Variants in VAT1L observed in about 807,000 individuals in gnomAD.
VAT1L encodes vesicle amine transport 1 like, also known as putative NADPH-dependent quinone oxidoreductase VAT1L.
A neutral mutation model predicts 44.1 loss-of-function variants in VAT1L; 34 were observed. That is an observed-to-expected ratio of 0.77 (90% CI 0.59 to 1.03). The LOEUF is 1.03. VAT1L is among the 50% of genes least tolerant of loss of function. The pLI, the probability that VAT1L is intolerant of heterozygous loss-of-function variation, is 0.00. For missense variants in VAT1L, 615 were observed against 538.8 expected, an observed-to-expected ratio of 1.14 and a Z score of -1.40; for synonymous variants, 253 against 202.2, an observed-to-expected ratio of 1.25 and a Z score of -2.13.
At chr16:77,922,520 G>A (rs1381829189) in intron 7 of VAT1L, among the ~76,000 whole-genome samples, 1 of 152,130 alleles carries the variant, frequency 6.6e-6, no homozygotes, top group Non-Finnish European at 1.5e-5. Context: ...AAGACAGGCA[G>A]CTGTCAGCGG....
intron 3 of VAT1L, among the ~76,000 whole-genome samples, chr16:77,844,799 C>G (rs1446635838): frequency 6.6e-6 from 1 of 151,894 alleles, no homozygotes; most frequent in Non-Finnish European, 1.5e-5. Context: ...CTGGGGATGG[C>G]TATATATACA....
chr16:77,846,194 A>C (rs563805472), intron 3 of VAT1L, among the ~76,000 whole-genome samples: 1 of 152,320 alleles, frequency 6.6e-6, no homozygotes, highest in South Asian at 2.1e-4. Context: ...AAGTGAGTAC[A>C]TTGTCATCAA....
At chr16:77,937,932 G>C (rs1276279370) in intron 7 of VAT1L, among the ~76,000 whole-genome samples, 1 of 152,236 alleles carries the variant, frequency 6.6e-6, no homozygotes, top group East Asian at 1.9e-4. Flanking sequence ...TGCTCTGAAA[G>C]AATATGCTAA....
intron 7 of VAT1L, among the ~76,000 whole-genome samples, chr16:77,938,805 G>A (rs538186407): frequency 6.6e-6 from 1 of 152,102 alleles, no homozygotes; most frequent in Non-Finnish European, 1.5e-5. Context: ...GACTAATACA[G>A]CAAAAATAGG....
intron 7 of VAT1L, among the ~76,000 whole-genome samples, chr16:77,896,897 C>G (rs2017330647): frequency 6.6e-6 from 1 of 152,176 alleles, no homozygotes; most frequent in Non-Finnish European, 1.5e-5. Flanking sequence ...GAGCCAGGGA[C>G]AGAGTCAACT....
intron 3 of VAT1L, among the ~76,000 whole-genome samples, chr16:77,842,902 C>G (rs1230502332): frequency 6.6e-6 from 1 of 152,186 alleles, no homozygotes; most frequent in East Asian, 1.9e-4. Flanking sequence ...TTTCCCCGTT[C>G]CATTTTTGAC....
intron 3 of VAT1L, among the ~76,000 whole-genome samples, chr16:77,860,809 T>A (rs980612805): frequency 2.6e-5 from 4 of 152,162 alleles, no homozygotes; most frequent in African/African-American, 9.7e-5. Flanking sequence ...GAGTCTCAGG[T>A]TCATGCCCAT....
chr16:77,849,886 C>T (rs991951884), intron 3 of VAT1L, among the ~76,000 whole-genome samples: 9 of 152,212 alleles, frequency 5.9e-5, no homozygotes, highest in African/African-American at 2.2e-4. Flanking sequence ...TGTCTGATCT[C>T]TGAGGACTGG....
At chr16:77,809,664 G>A (rs1388708460) in intron 1 of VAT1L, among the ~76,000 whole-genome samples, 2 of 152,228 alleles carry the variant, frequency 1.3e-5, no homozygotes, top group Admixed American at 6.5e-5. Context: ...CCTCTTCTCA[G>A]CAATTGCTGC....
chr16:77,796,858 C>A (rs1386984286), intron 1 of VAT1L, among the ~76,000 whole-genome samples: 1 of 152,038 alleles, frequency 6.6e-6, no homozygotes, highest in African/African-American at 2.4e-5. Flanking sequence ...GGCTGTAATC[C>A]AAAGGGAAAT....
At chr16:77,792,745 C>T (rs1181604788) in intron 1 of VAT1L, among the ~76,000 whole-genome samples, 3 of 152,118 alleles carry the variant, frequency 2.0e-5, no homozygotes, top group Non-Finnish European at 4.4e-5. Context: ...ACAAACCACG[C>T]CTTCTGGTTG....
intron 3 of VAT1L, among the ~76,000 whole-genome samples, chr16:77,837,951 C>T (rs2016657937): frequency 6.6e-6 from 1 of 152,176 alleles, no homozygotes; most frequent in Non-Finnish European, 1.5e-5. Context: ...CAGCCAGAAG[C>T]AAACAGGTTA....
intron 3 of VAT1L, among the ~76,000 whole-genome samples, chr16:77,841,369 C>T (rs1163277307): frequency 2.0e-5 from 3 of 152,292 alleles, no homozygotes; most frequent in East Asian, 1.9e-4. Flanking sequence ...AGGCATGAGC[C>T]GCCACACCTG....
At chr16:77,866,925 G>T (rs1183888758) in intron 4 of VAT1L, among the ~76,000 whole-genome samples, 1 of 152,142 alleles carries the variant, frequency 6.6e-6, no homozygotes. Context: ...AGCCCCTCAG[G>T]TGCACTTGAA....
chr16:77,972,816 T>C lies in VAT1L; in HGVS notation c.1161+883T>C, dbSNP rs2018294803. Among the ~76,000 whole-genome samples, 3 of 149,648 alleles carry C rather than the reference T, an allele frequency of 2.0e-5. No homozygotes were observed. In the South Asian group the frequency reaches 6.2e-4, roughly 31 times the overall value. ...TAATAATAATATAAAATAATAAAAA[T>C]AATGTAAAATATAAATAAAAATATA... is the stretch of plus-strand genomic sequence containing the variant. On this transcript the variant is annotated intron_variant, in intron 8 of 8. Coordinates refer to ENST00000302536, the MANE Select transcript of VAT1L (RefSeq NM_020927.3).
chr16:77,804,191 C>T (rs761010754), intron 1 of VAT1L, among the ~76,000 whole-genome samples: 1 of 152,184 alleles, frequency 6.6e-6, no homozygotes, highest in Non-Finnish European at 1.5e-5. Context: ...CTGCCGAACA[C>T]CTGTTTGAAG....
At chr16:77,817,501 T>G (rs1200160776) in intron 2 of VAT1L, among the ~76,000 whole-genome samples, 1 of 152,160 alleles carries the variant, frequency 6.6e-6, no homozygotes, top group Non-Finnish European at 1.5e-5. Context: ...AAGTAATCAT[T>G]TATAAATCCC....
rs116642362 is a variant in VAT1L, at chr16:77,958,613, A to G, written c.1078-13237A>G. 5.4e-4 allele frequency among the ~76,000 whole-genome samples: 82 copies of G among 152,314 alleles called. 1 individual carries two copies. Among genetic ancestry groups the G allele is most frequent in the African/African-American group, 1.9e-3 (77 of 41,568 alleles). ...TCCCTCTGCTTTAGTTCAAAACACA[A>G]TAAGACAAGAATATATAATTTGGTT... On this transcript the variant is annotated intron_variant, in intron 7 of 8. Transcript: ENST00000302536.
chr16:77,837,462 C>G (rs2016651772), intron 3 of VAT1L, among the ~76,000 whole-genome samples: 1 of 152,210 alleles, frequency 6.6e-6, no homozygotes, highest in African/African-American at 2.4e-5. Flanking sequence ...CCTCAGGCTG[C>G]TGTGTTCGTG....
Sources: allele counts gnomAD v4.1 joint callset (sites outside exome capture counted in the v4.1 genomes callset), GRCh38; gene constraint gnomAD v4.1.1; transcripts MANE v1.5; gene names NCBI Gene and HGNC (gene_info 2026-07-23, HGNC 2026-07-21).